The following DNM3 variants were observed in gnomAD, a reference collection of about 807,000 sequenced individuals.
The protein encoded by DNM3 is dynamin 3.
DNM3 carries 47 observed loss-of-function variants against 101.6 expected under a neutral mutation model. The observed-to-expected ratio is 0.46, with a 90% CI of 0.37 to 0.59. DNM3 has a LOEUF of 0.59. Ranked by LOEUF, DNM3 falls within the 20% of genes least tolerant of loss-of-function variation. The pLI is 0.00. For missense variants in DNM3, 849 were observed against 1,085.7 expected, an observed-to-expected ratio of 0.78 and a Z score of 3.06; for synonymous variants, 385 against 387.9, an observed-to-expected ratio of 0.99 and a Z score of 0.09.
At chr1:172,306,346 G>C (rs1276862361) in intron 15 of DNM3, among the ~76,000 whole-genome samples, 1 of 152,172 alleles carries the variant, frequency 6.6e-6, no homozygotes, top group Non-Finnish European at 1.5e-5. Context: ...TCTTCAAGGA[G>C]AACTACAAAC....
chr1:172,369,146 C>A (rs2068186237), intron 17 of DNM3, among the ~76,000 whole-genome samples: 1 of 151,668 alleles, frequency 6.6e-6, no homozygotes, highest in African/African-American at 2.4e-5. Flanking sequence ...CATTACAAAG[C>A]CAAACCAGAG....
rs1248417384 is a variant in DNM3, at chr1:172,068,806, C to T, written c.1336-13C>T. On this transcript the variant is annotated splice_polypyrimidine_tract_variant and intron_variant, in intron 10 of 20. Transcript: ENST00000627582. The stretch of plus-strand genomic sequence containing the variant: ...TTTTGAGTATTAATACTCAGATCTG[C>T]TTTTCTTGACAGCTGGCAAACTTCC... The T allele has an allele frequency of 6.4e-7, 1 of 1,560,168 alleles. No homozygotes were observed. The highest frequency in any genetic ancestry group is 2.4e-5 in the East Asian group (1 of 41,936).
chr1:171,987,663 C>A lies in DNM3; in HGVS notation c.243C>A (p.Ala81=). The A allele has an allele frequency of 6.4e-7, 1 of 1,568,686 alleles. No homozygotes were observed. The highest frequency in any genetic ancestry group is 8.6e-7 in the Non-Finnish European group (1 of 1,161,658). ...LQLVTSKAEY[A]EFLHCKGKKF... is the part of the protein sequence containing the mutation. The stretch of plus-strand genomic sequence containing the variant: ...TTGGTTTTATTTTTGTAGAATATGC[C>A]GAGTTTCTACATTGCAAAGGAAAGA... Residue 81 remains alanine, a synonymous_variant, in exon 3 of 21, where the codon GCC becomes GCA. Coordinates refer to ENST00000627582, the MANE Select transcript of DNM3 (RefSeq NM_015569.5).
At chr1:172,053,752 A>G (rs2050374236) in intron 10 of DNM3, among the ~76,000 whole-genome samples, 2 of 152,178 alleles carry the variant, frequency 1.3e-5, no homozygotes, top group South Asian at 4.1e-4. Flanking sequence ...TCAAACATCT[A>G]TCCTTTTCCT....
intron 14 of DNM3, among the ~76,000 whole-genome samples, chr1:172,241,291 C>T (rs1184711686): frequency 1.3e-5 from 2 of 149,898 alleles, no homozygotes; most frequent in Middle Eastern, 3.4e-3. Context: ...TGGTTAGAAG[C>T]TCTTTTTGAG....
At chr1:172,219,377 C>CAAAAAA (rs58783160) in intron 14 of DNM3, among the ~76,000 whole-genome samples, 102 of 56,224 alleles carry the variant, frequency 1.8e-3, no homozygotes, top group African/African-American at 3.8e-3. Context: ...TACCCTGTCT[C>CAAAAAA]AAAAAAAAAA....
intron 10 of DNM3, among the ~76,000 whole-genome samples, chr1:172,054,624 T>G (rs1558492516): frequency 6.6e-6 from 1 of 151,722 alleles, no homozygotes. Flanking sequence ...AAAAAAAAAG[T>G]TTTGCAAGGA....
chr1:172,228,051 C>G (rs1051449015), intron 14 of DNM3, among the ~76,000 whole-genome samples: 2 of 152,020 alleles, frequency 1.3e-5, no homozygotes, highest in South Asian at 4.1e-4. Context: ...TAATGGCTCT[C>G]TGAGTATTAT....
intron 13 of DNM3, among the ~76,000 whole-genome samples, chr1:172,102,864 C>G (rs965120009): frequency 1.5e-4 from 23 of 152,086 alleles, no homozygotes; most frequent in Admixed American, 2.0e-4. Context: ...CTGTATTATT[C>G]CAATTCCTTG....
chr1:171,984,128 C>G (rs2045051558), intron 2 of DNM3, among the ~76,000 whole-genome samples: 1 of 152,160 alleles, frequency 6.6e-6, no homozygotes, highest in Non-Finnish European at 1.5e-5. Flanking sequence ...CCACTCATCA[C>G]CACCCCACTG....
At chr1:172,289,687 T>C (rs1306202076) in intron 15 of DNM3, 1 of 984,710 alleles carries the variant, frequency 1.0e-6, no homozygotes, top group Non-Finnish European at 1.2e-6. Context: ...AAAGTGTACC[T>C]GATTGTGATT....
intron 12 of DNM3, among the ~76,000 whole-genome samples, chr1:172,084,761 A>G (rs2053412410): frequency 6.6e-6 from 1 of 152,148 alleles, no homozygotes. Context: ...GTTGAAGAAA[A>G]CAAGCATTTG....
chr1:171,856,245 G>T (rs554321564), intron 1 of DNM3, among the ~76,000 whole-genome samples: 7 of 152,192 alleles, frequency 4.6e-5, no homozygotes, highest in Middle Eastern at 3.4e-3. Flanking sequence ...GTTTGTTTTT[G>T]TACCAGTACC....
intron 4 of DNM3, among the ~76,000 whole-genome samples, chr1:172,013,885 A>G (rs1206256037): frequency 6.6e-6 from 1 of 152,078 alleles, no homozygotes; most frequent in Non-Finnish European, 1.5e-5. Context: ...TATGTACCAC[A>G]TACTTTACAG....
intron 15 of DNM3, among the ~76,000 whole-genome samples, chr1:172,299,417 A>T (rs1204396904): frequency 6.6e-6 from 1 of 152,216 alleles, no homozygotes; most frequent in Non-Finnish European, 1.5e-5. Flanking sequence ...TTTATTTTAT[A>T]TGTGCAGGTT....
intron 14 of DNM3, among the ~76,000 whole-genome samples, chr1:172,245,798 C>T (rs569950604): frequency 5.3e-5 from 8 of 152,202 alleles, no homozygotes; most frequent in African/African-American, 1.9e-4. Context: ...CCAGGTGGAC[C>T]GGCTAGGGAA....
In DNM3 at chr1:172,283,780, A is replaced by AAAAAAAGAAAG. The variant is rs1553221113; in HGVS notation, c.1770-24945_1770-24944insAAAGAAAGAAA. 1.6e-3 allele frequency among the ~76,000 whole-genome samples: 189 copies of AAAAAAAGAAAG among 119,048 alleles called. 3 individuals are homozygous for AAAAAAAGAAAG. Among genetic ancestry groups the AAAAAAAGAAAG allele is most frequent in the Non-Finnish European group, 2.8e-3 (164 of 58,474 alleles). 78.1% of individuals were successfully genotyped at this position (119,048 alleles called of 152,430 possible). A position where few individuals can be genotyped will look rare whatever the true frequency, so the allele number is the denominator to read the frequency against. ...ATCTCAAAAAAAAAAAAAAAAAAAA[A>AAAAAAAGAAAG]AAAGAAAGAAAGAAAGAAAACCAAG... On this transcript the variant is annotated intron_variant, in intron 15 of 20. Transcript: ENST00000627582.
intron 4 of DNM3, among the ~76,000 whole-genome samples, chr1:172,019,013 C>T (rs537458399): frequency 3.9e-5 from 3 of 76,076 alleles, no homozygotes; most frequent in East Asian, 1.4e-3. Context: ...CCTTCGCCCC[C>T]TCCCTTCCTC....
At chr1:172,099,696 G>T (rs980365226) in intron 13 of DNM3, among the ~76,000 whole-genome samples, 1 of 152,186 alleles carries the variant, frequency 6.6e-6, no homozygotes, top group African/African-American at 2.4e-5. Flanking sequence ...GAAATTATGA[G>T]GTGGGAGGTT....
Sources: allele counts gnomAD v4.1 joint callset (sites outside exome capture counted in the v4.1 genomes callset), GRCh38; gene constraint gnomAD v4.1.1; transcripts MANE v1.5; gene names NCBI Gene and HGNC (gene_info 2026-07-23, HGNC 2026-07-21).